The following CAPN8 variants were observed in gnomAD, a reference collection of about 807,000 sequenced individuals.
CAPN8 encodes calpain-8.
CAPN8 carries 87 observed loss-of-function variants against 80.9 expected under a neutral mutation model. The ratio of observed to expected loss-of-function variants is 1.07; its 90% CI spans 0.90 to 1.28. The LOEUF (loss-of-function observed/expected upper bound fraction) is 1.28. CAPN8 is among the 50% of genes most tolerant of loss of function. The probability of loss-of-function intolerance (pLI) is 0.00; values close to 1 mark genes in which losing one functional copy is unlikely to be tolerated. For missense variants in CAPN8, 757 were observed against 702.0 expected, an observed-to-expected ratio of 1.08 and a Z score of -0.89; for synonymous variants, 299 against 273.8, an observed-to-expected ratio of 1.09 and a Z score of -0.91.
At chr1:223,550,797 C>T (rs1656764799) in intron 15 of CAPN8, among the ~76,000 whole-genome samples, 163 bp downstream of exon 15, 1 of 152,166 alleles carries the variant, frequency 6.6e-6, no homozygotes, top group South Asian at 2.1e-4. Context: ...GCCTCTCCTT[C>T]TTCCCCTCTT....
chr1:223,656,833 A>G (rs919259203), intron 1 of CAPN8, among the ~76,000 whole-genome samples: 3 of 151,590 alleles, frequency 2.0e-5, no homozygotes, highest in African/African-American at 7.3e-5. Context: ...ACAGGCGCCC[A>G]CCACCACGCC....
Position 223,543,111 on chromosome 1 carries a change from G to C in CAPN8, c.2085C>G (p.Ala695=). The C allele has an allele frequency of 6.4e-7, 1 of 1,551,564 alleles. No homozygotes were observed. Among genetic ancestry groups the C allele is most frequent in the Non-Finnish European group, 8.7e-7 (1 of 1,146,960 alleles). The change falls in exon 20 of 21, where the codon GCC becomes GCG. Residue 695 remains alanine, a synonymous_variant. Transcript: ENST00000366872. The part of the protein sequence containing the change: ...DKDGMVQLSL[A]EWLCCVLV Reference sequence around the variant, plus strand: ...CATCAAACCTCAGGACATTCACCTCGGCCAGAGAGAGCTGAACCATGCCAT... The same window carrying C: ...CATCAAACCTCAGGACATTCACCTCCGCCAGAGAGAGCTGAACCATGCCAT...
chr1:223,548,343 C>T (rs1374671275), intron 16 of CAPN8, among the ~76,000 whole-genome samples: 4 of 152,204 alleles, frequency 2.6e-5, no homozygotes, highest in African/African-American at 4.8e-5. Context: ...GCCTTCACAC[C>T]TAGAAGGTTC....
intron 1 of CAPN8, among the ~76,000 whole-genome samples, chr1:223,658,159 T>C (rs1239223714): frequency 6.6e-6 from 1 of 152,182 alleles, no homozygotes; most frequent in East Asian, 1.9e-4. Flanking sequence ...GCTTCAACTA[T>C]TAACTGCAGA....
chr1:223,650,188 G>A (rs1257279914), intron 2 of CAPN8, among the ~76,000 whole-genome samples: 2 of 152,164 alleles, frequency 1.3e-5, no homozygotes, highest in Non-Finnish European at 2.9e-5. Context: ...GGGTCATGGG[G>A]CTCAGAGGGC....
At chr1:223,546,568 G>C (rs981726516) in intron 16 of CAPN8, among the ~76,000 whole-genome samples, 2 of 152,108 alleles carry the variant, frequency 1.3e-5, no homozygotes, top group Non-Finnish European at 2.9e-5. Context: ...ACACATCTCA[G>C]AACAGTAGTA....
At chr1:223,651,594 G>C (rs537738249) in intron 2 of CAPN8, among the ~76,000 whole-genome samples, 1 of 152,312 alleles carries the variant, frequency 6.6e-6, no homozygotes, top group South Asian at 2.1e-4. Context: ...GAAGCAGCCA[G>C]ACTTTGGACG....
Position 223,646,862 on chromosome 1 carries a change from T to TA in CAPN8, c.307+7467dup, listed in dbSNP as rs201288357. ...CTGGGGTCTGTGAAAGGTGTTAAAA[T>TA]AATTATCGCCTAGAACGCAGAACAG... On this transcript the variant is annotated intron_variant, in intron 2 of 20. Coordinates refer to ENST00000366872, the MANE Select transcript of CAPN8 (RefSeq NM_001143962.2). Among the ~76,000 whole-genome samples, 424 of 152,262 alleles carry TA rather than the reference T, an allele frequency of 2.8e-3. 2 individuals are homozygous for TA. Among genetic ancestry groups the TA allele is most frequent in the Middle Eastern group, 0.014 (4 of 292 alleles).
At chr1:223,660,619 A>T (rs1400538387) in intron 1 of CAPN8, among the ~76,000 whole-genome samples, 3 of 152,264 alleles carry the variant, frequency 2.0e-5, no homozygotes, top group Non-Finnish European at 4.4e-5. Context: ...GCAGGATGTC[A>T]AATGATGTGA....
At chr1:223,619,067 G>T (rs887312713) in intron 9 of CAPN8, among the ~76,000 whole-genome samples, 2 of 152,150 alleles carry the variant, frequency 1.3e-5, no homozygotes, top group African/African-American at 2.4e-5. Flanking sequence ...GGTGGTGCAT[G>T]CCTGTGGTCC....
chr1:223,655,263 A>G (rs559821934), intron 1 of CAPN8, among the ~76,000 whole-genome samples: 13 of 152,218 alleles, frequency 8.5e-5, no homozygotes, highest in Non-Finnish European at 1.6e-4. Flanking sequence ...CAGAAGTACC[A>G]TGTATCCTGA....
intron 1 of CAPN8, 111 bp downstream of exon 1, chr1:223,665,299 G>T (rs1197408177): frequency 1.2e-6 from 1 of 801,778 alleles, no homozygotes; most frequent in Admixed American, 2.8e-5. Context: ...TCTGAAATAT[G>T]AGATCCAGAC....
In CAPN8 at chr1:223,655,763, G is replaced by A. The variant is rs376084319; in HGVS notation, c.238-1364C>T. 3.1e-4 allele frequency among the ~76,000 whole-genome samples: 47 copies of A among 152,280 alleles called. 2 individuals are homozygous for A. In the East Asian group the frequency reaches 4.6e-3, roughly 15 times the overall value. ...TCCATTAGAAAGGTAGGATGCAGGA[G>A]CAGTCTACGTACTGGTTCCTAAAGA... On this transcript the variant is annotated intron_variant, in intron 1 of 20. Coordinates refer to ENST00000366872, the MANE Select transcript of CAPN8 (RefSeq NM_001143962.2).
chr1:223,633,760 A>G (rs36104175), intron 2 of CAPN8, among the ~76,000 whole-genome samples: 9,119 of 152,330 alleles, frequency 0.06, 290 homozygotes, highest in South Asian at 0.092. Context: ...CCCTTTACAC[A>G]TTAAAATCAA....
In CAPN8 at chr1:223,609,274, C is replaced by T. The variant is rs1656974536; in HGVS notation, c.1414G>A (p.Glu472Lys). 1.8e-5 allele frequency: 7 copies of T among 398,464 alleles called. No individual in the cohort carries two copies. 24.7% of individuals were successfully genotyped at this position (398,464 alleles called of 1,614,324 possible). ...ARTSTYVNLR[E>K]VSGRARLPPG... ...GGCAGCCGGGCCCGGCCAGAGACCTCCCGCAGGTTGACGTAGGTGCTGGTG... is the reference window on the plus strand; with the variant it reads ...GGCAGCCGGGCCCGGCCAGAGACCTTCCGCAGGTTGACGTAGGTGCTGGTG... Residue 472 changes from glutamate (E) to lysine (K), a missense_variant, in exon 12 of 21, where the codon GAG (glutamate) becomes AAG (lysine). Coordinates refer to ENST00000366872, the MANE Select transcript of CAPN8 (RefSeq NM_001143962.2).
chr1:223,553,442 C>T (rs2102692699), intron 14 of CAPN8, among the ~76,000 whole-genome samples: 1 of 152,300 alleles, frequency 6.6e-6, no homozygotes, highest in East Asian at 1.9e-4. Context: ...GCTGAGCTGC[C>T]TTCCACTGCG....
At chr1:223,663,819 A>G (rs1658716421) in intron 1 of CAPN8, among the ~76,000 whole-genome samples, 1 of 152,256 alleles carries the variant, frequency 6.6e-6, no homozygotes. Flanking sequence ...CAGCAGGATC[A>G]AAGTAAAAAG....
At chr1:223,651,819 T>C (rs750644008) in intron 2 of CAPN8, among the ~76,000 whole-genome samples, 4 of 152,234 alleles carry the variant, frequency 2.6e-5, no homozygotes, top group Admixed American at 6.5e-5. Flanking sequence ...TTAAGTGAAA[T>C]GACACCAAAT....
In CAPN8 at chr1:223,544,110, A is replaced by G. The variant is rs1430834541; in HGVS notation, c.1986T>C (p.Phe662=). 7 of 718,400 alleles carry G rather than the reference A, an allele frequency of 9.7e-6. No homozygotes were observed. In the South Asian group the frequency reaches 1.0e-4, roughly 11 times the overall value. The allele number at this position is 718,400 out of a possible 1,614,324, so 44.5% of individuals were successfully genotyped here. A position where few individuals can be genotyped will look rare whatever the true frequency, so the allele number is the denominator to read the frequency against. Residue 662 remains phenylalanine (F), a synonymous_variant, in exon 19 of 21, where the codon TTT becomes TTC. Coordinates refer to ENST00000366872, the MANE Select transcript of CAPN8 (RefSeq NM_001143962.2). ...RYACSKLGIN[F]DSFVACMIRL... ...GGATCATACAAGCCACGAAGCTGTCAAAGTTGATGCCAAGCTTGCTGCACG... is the reference window on the plus strand; with the variant it reads ...GGATCATACAAGCCACGAAGCTGTCGAAGTTGATGCCAAGCTTGCTGCACG...
Sources: gnomAD v4.1 joint callset for allele counts (sites outside exome capture counted in the v4.1 genomes callset) on GRCh38, gnomAD v4.1.1 for gene constraint, MANE v1.5 for transcripts, NCBI Gene and HGNC (gene_info 2026-07-23, HGNC 2026-07-21) for gene names.